The following ABCA3 variants were observed in gnomAD, a reference collection of about 807,000 sequenced individuals.
The protein encoded by ABCA3 is ATP binding cassette subfamily A member 3.
ABCA3 carries 88 observed loss-of-function variants against 172.8 expected under a neutral mutation model. The ratio of observed to expected loss-of-function variants is 0.51; its 90% CI spans 0.43 to 0.61. The LOEUF (loss-of-function observed/expected upper bound fraction) is 0.61, where lower values mean the gene tolerates loss of function less well. ABCA3 is among the 20% of genes least tolerant of loss of function. ABCA3 has a pLI of 0.00. For synonymous variants in ABCA3, 1,066 were observed against 983.8 expected (o/e 1.08, Z -1.56); for missense variants, 2,164 against 2,301.0 (o/e 0.94, Z 1.22).
intron 12 of ABCA3, among the ~76,000 whole-genome samples, chr16:2,302,987 C>G (rs1276258888): frequency 2.0e-5 from 3 of 150,016 alleles, no homozygotes; most frequent in African/African-American, 7.4e-5. Flanking sequence ...TTAGTAGAAA[C>G]AGGGTTTCAC....
chr16:2,283,405 C>T lies in ABCA3; in HGVS notation c.3863-47G>A. On this transcript the variant is annotated intron_variant, in intron 25 of 32. Coordinates refer to ENST00000301732, the MANE Select transcript of ABCA3 (RefSeq NM_001089.3). The surrounding 1 kb of genome is among the most constrained non-coding windows in gnomAD (Gnocchi z 5.4). ...GTGCCCCGAGGCCTGGGGCACCCTCCTCCCCTTCCAGGTTCCCGGCCCCCA... is the reference window on the plus strand; with the variant it reads ...GTGCCCCGAGGCCTGGGGCACCCTCTTCCCCTTCCAGGTTCCCGGCCCCCA... 1.3e-6 allele frequency: 2 copies of T among 1,597,816 alleles called. No homozygotes were observed. The highest frequency in any genetic ancestry group is 1.7e-6 in the Non-Finnish European group (2 of 1,170,154).
At position 2,298,557 on chromosome 16, in the gene ABCA3, G is replaced by C; in HGVS notation, c.1742-17C>G. On this transcript the variant is annotated splice_polypyrimidine_tract_variant and intron_variant, in intron 14 of 32. Transcript: ENST00000301732. ...GAAAGAGACCTGGGGCCCAGCAGGAGACCCCACATTCAGCATGAAGATCCT... is the reference window on the plus strand; with the variant it reads ...GAAAGAGACCTGGGGCCCAGCAGGACACCCCACATTCAGCATGAAGATCCT... 1 of 1,611,948 alleles carries C rather than the reference G, an allele frequency of 6.2e-7. No homozygotes were observed. The highest frequency in any genetic ancestry group is 1.3e-5 in the African/African-American group (1 of 74,974).
intron 5 of ABCA3, 91 bp from the exon 6 acceptor site, chr16:2,324,622 C>G: frequency 1.3e-6 from 2 of 1,572,072 alleles, no homozygotes; most frequent in Non-Finnish European, 1.7e-6. Flanking sequence ...AGATGAAAGA[C>G]GGCAAATCCT....
chr16:2,278,996 A>G lies in ABCA3; in HGVS notation c.4494T>C (p.Thr1498=). The part of the protein sequence containing the change: ...ERHIGACVEN[T]LRGLLLEPHA... The stretch of plus-strand genomic sequence containing the variant: ...GTGGCTCCAGCAGCAGGCCCCGCAG[A>G]GTGTTCTCCACGCAGGCCCCGATGT... The change falls in exon 29 of 33, where the codon ACT becomes ACC. Residue 1498 remains threonine, a synonymous_variant. Transcript: ENST00000301732. The surrounding 1 kb of genome is among the most constrained non-coding windows in gnomAD (Gnocchi z 4.4). The G allele has an allele frequency of 1.2e-6, 2 of 1,613,522 alleles. No homozygotes were observed. Among genetic ancestry groups the G allele is most frequent in the Non-Finnish European group, 1.7e-6 (2 of 1,180,016 alleles).
At position 2,298,437 on chromosome 16, in the gene ABCA3, G is replaced by A; in HGVS notation, c.1845C>T (p.Asp615=). The change falls in exon 15 of 33, where the codon GAC becomes GAT. Residue 615 remains aspartate (D), a synonymous_variant. Transcript: ENST00000301732. ...CGACTGTCAAGTTGTCAAACAGGATGTCGTGCTGCGGGCACAGGCCCAGGC... is the reference window on the plus strand; with the variant it reads ...CGACTGTCAAGTTGTCAAACAGGATATCGTGCTGCGGGCACAGGCCCAGGC... ...RKSLGLCPQH[D]ILFDNLTVAE... 1 of 1,614,154 alleles carries A rather than the reference G, an allele frequency of 6.2e-7. No homozygotes were observed. The highest frequency in any genetic ancestry group is 1.1e-5 in the South Asian group (1 of 91,088).
intron 10 of ABCA3, among the ~76,000 whole-genome samples, chr16:2,309,008 C>A (rs1001744187): frequency 6.6e-6 from 1 of 152,008 alleles, no homozygotes; most frequent in Non-Finnish European, 1.5e-5. Flanking sequence ...TGCAGTGGCA[C>A]GATCTCGGCT....
Position 2,281,619 on chromosome 16 carries a change from C to T in ABCA3, c.4036-110G>A. On this transcript the variant is annotated intron_variant, in intron 26 of 32. Transcript: ENST00000301732. This position sits in a 1 kb window ranked among gnomAD's most constrained non-coding sequence, Gnocchi z 4.7. ...GGAGGTCTGGTGGGACTAAGGCCTT[C>T]AAGGCTTCTCGTCCCAATCTCAGGC... 4 of 1,373,258 alleles carry T rather than the reference C, an allele frequency of 2.9e-6. No individual in the cohort carries two copies. The highest frequency in any genetic ancestry group is 1.8e-5 in the Admixed American group (1 of 55,046). 85.1% of individuals were successfully genotyped at this position (1,373,258 alleles called of 1,614,324 possible).
intron 7 of ABCA3, among the ~76,000 whole-genome samples, chr16:2,321,763 A>C (rs2093726413): frequency 6.6e-6 from 1 of 152,148 alleles, no homozygotes; most frequent in Non-Finnish European, 1.5e-5. Flanking sequence ...GCTTCCATGA[A>C]CACCACACTG....
chr16:2,284,651 AG>A lies in ABCA3; in HGVS notation c.3703+127del. The A allele has an allele frequency of 8.1e-7, 1 of 1,231,690 alleles. No individual in the cohort carries two copies. The highest frequency in any genetic ancestry group is 1.1e-6 in the Non-Finnish European group (1 of 872,546). The allele number at this position is 1,231,690 out of a possible 1,614,324, so 76.3% of individuals were successfully genotyped here. On this transcript the variant is annotated intron_variant, in intron 24 of 32. Coordinates refer to ENST00000301732, the MANE Select transcript of ABCA3 (RefSeq NM_001089.3). This position sits in a 1 kb window ranked among gnomAD's most constrained non-coding sequence, Gnocchi z 5.9. ...AGCCGGGCAGGGCCAGCTGGGGCAGAGGGGCTGGTGAGCATGAACTGGGCCC... is the reference window on the plus strand; with the variant it reads ...AGCCGGGCAGGGCCAGCTGGGGCAGAGGGCTGGTGAGCATGAACTGGGCCC...
chr16:2,320,252 C>T (rs1267725988), intron 7 of ABCA3, among the ~76,000 whole-genome samples: 6 of 151,472 alleles, frequency 4.0e-5, no homozygotes, highest in African/African-American at 1.2e-4. Context: ...GTGCACACCA[C>T]CATGCCCAGC....
chr16:2,319,849 G>T lies in ABCA3; in HGVS notation c.614-9C>A. The stretch of plus-strand genomic sequence containing the variant: ...GCCTTCCCGGATGTACCCTGGGTGC[G>T]GGAGCAGAGGATGGCCCAGCCACCT... On this transcript the variant is annotated splice_polypyrimidine_tract_variant and intron_variant, in intron 7 of 32. Transcript: ENST00000301732. The T allele has an allele frequency of 6.2e-7, 1 of 1,613,234 alleles. No individual in the cohort carries two copies. Among genetic ancestry groups the T allele is most frequent in the African/African-American group, 1.3e-5 (1 of 75,026 alleles).
At chr16:2,326,591 T>C in intron 3 of ABCA3, 99 bp from the exon 4 acceptor site, 1 of 1,303,372 alleles carries the variant, frequency 7.7e-7, no homozygotes, top group Non-Finnish European at 1.1e-6. Flanking sequence ...TCCATGTCTC[T>C]CACCTTCTTT....
Position 2,276,741 on chromosome 16 carries a change from A to G in ABCA3, c.5048T>C (p.Ile1683Thr), listed in dbSNP as rs1200692512. 25 of 1,613,858 alleles carry G rather than the reference A, an allele frequency of 1.5e-5. No homozygotes were observed. Among genetic ancestry groups the G allele is most frequent in the Non-Finnish European group, 2.1e-5 (25 of 1,180,046 alleles). The change falls in exon 33 of 33, where the codon ATC becomes ACC. Residue 1683 changes from isoleucine to threonine, a missense_variant. Physicochemically the swap from Ile to Thr is moderately conservative, Grantham distance 89. Coordinates refer to ENST00000301732, the MANE Select transcript of ABCA3 (RefSeq NM_001089.3). The part of the protein sequence containing the change: ...YGVDDYSVSQ[I>T]SLEQVFLSFA... Reference sequence around the variant, plus strand: ...GCTCAGGAAGACCTGTTCCAGCGAGATCTGGCTCACGGAGTAGTCGTCCAC... The same window carrying G: ...GCTCAGGAAGACCTGTTCCAGCGAGGTCTGGCTCACGGAGTAGTCGTCCAC...
intron 1 of ABCA3, among the ~76,000 whole-genome samples, chr16:2,338,087 C>T (rs1252585487): frequency 6.6e-6 from 1 of 152,146 alleles, no homozygotes; most frequent in Non-Finnish European, 1.5e-5. Flanking sequence ...GTGCAGGAAA[C>T]GAGGTAATGA....
At chr16:2,307,540 C>G (rs141615055) in intron 11 of ABCA3, among the ~76,000 whole-genome samples, 2 of 151,736 alleles carry the variant, frequency 1.3e-5, no homozygotes, top group African/African-American at 2.4e-5. Flanking sequence ...GGAAACAGAA[C>G]GAGACTCTTG....
chr16:2,308,359 G>C, intron 11 of ABCA3, 91 bp downstream of exon 11: 2 of 1,522,838 alleles, frequency 1.3e-6, no homozygotes, highest in Non-Finnish European at 9.0e-7. Flanking sequence ...AACCGTCCCA[G>C]GTGGAGCCTT....
At chr16:2,323,314 C>T in intron 7 of ABCA3, 2 of 658,664 alleles carry the variant, frequency 3.0e-6, no homozygotes, top group Non-Finnish European at 5.3e-6. Context: ...GGTATATACC[C>T]AAAGGATTAT....
At position 2,297,298 on chromosome 16, in the gene ABCA3, G is replaced by A. The variant is rs771016932; in HGVS notation, c.2263+31C>T. ...CCCTCAGCACGGCAGCCAGGACACC[G>A]ACCCTGTCGCGGGCTGGCCCCACCG... On this transcript the variant is annotated intron_variant, in intron 17 of 32. Transcript: ENST00000301732. This position sits in a 1 kb window ranked among gnomAD's most constrained non-coding sequence, Gnocchi z 5.6. The A allele has an allele frequency of 6.2e-6, 10 of 1,605,416 alleles. No homozygotes were observed. The highest frequency in any genetic ancestry group is 1.3e-5 in the African/African-American group (1 of 74,840).
rs1384555184 is a variant in ABCA3, at chr16:2,288,247, G to A, written c.2783C>T (p.Ala928Val). ...YSWREWKMVA[A>V]QVLVPLTCVT... Reference sequence around the variant, plus strand: ...GCAGGTCAGAGGCACCAGGACCTGTGCCGCCACCATTTTCCACTCGCGCCA... The same window carrying A: ...GCAGGTCAGAGGCACCAGGACCTGTACCGCCACCATTTTCCACTCGCGCCA... Residue 928 changes from alanine to valine, a missense_variant, in exon 21 of 33, where the codon GCA becomes GTA. Coordinates refer to ENST00000301732, the MANE Select transcript of ABCA3 (RefSeq NM_001089.3). 6.3e-7 allele frequency: 1 copy of A among 1,592,908 alleles called. No homozygotes were observed. The highest frequency in any genetic ancestry group is 1.1e-5 in the South Asian group (1 of 88,158).
Sources: gnomAD v4.1 joint callset for allele counts (sites outside exome capture counted in the v4.1 genomes callset) on GRCh38, gnomAD v4.1.1 for gene constraint, Gnocchi (gnomAD v3.1) non-coding constraint, MANE v1.5 for transcripts, NCBI Gene and HGNC (gene_info 2026-07-23, HGNC 2026-07-21) for gene names.